The following SLC24A2 variants were observed in gnomAD, a reference collection of about 807,000 sequenced individuals.
SLC24A2 encodes sodium/potassium/calcium exchanger 2.
SLC24A2 carries 36 observed loss-of-function variants against 62.0 expected under a neutral mutation model. That is an observed-to-expected ratio of 0.58 (90% confidence interval 0.44 to 0.77). SLC24A2 has a LOEUF of 0.77. Ranked by LOEUF, SLC24A2 falls within the 30% of genes least tolerant of loss-of-function variation. SLC24A2 has a pLI of 0.00. For synonymous variants in SLC24A2, 358 were observed against 294.0 expected (o/e 1.22, Z -2.23); for missense variants, 846 against 817.9 (o/e 1.03, Z -0.42).
intron 5 of SLC24A2, among the ~76,000 whole-genome samples, chr9:19,592,343 CT>C (rs1440686474): frequency 1.3e-5 from 2 of 152,126 alleles, no homozygotes; most frequent in Non-Finnish European, 2.9e-5. Context: ...CAAGGATTGA[CT>C]TTTTAAATAG....
chr9:19,998,565 G>T, the SLC24A2 span, among the ~76,000 whole-genome samples: 2 of 152,202 alleles, frequency 1.3e-5, no homozygotes, highest in Non-Finnish European at 2.9e-5. Flanking sequence ...TTCCTCAGAA[G>T]CTTATGAGGA....
At chr9:20,202,219 T>A in the SLC24A2 span, among the ~76,000 whole-genome samples, 1 of 152,160 alleles carries the variant, frequency 6.6e-6, no homozygotes, top group South Asian at 2.1e-4. Flanking sequence ...CCTCCTCTCC[T>A]GATCAGGTTT....
the SLC24A2 span, among the ~76,000 whole-genome samples, chr9:20,277,760 C>A: frequency 6.6e-6 from 1 of 152,206 alleles, no homozygotes. Context: ...GATTATAAAA[C>A]ATGCTGCTAT....
the SLC24A2 span, among the ~76,000 whole-genome samples, chr9:20,035,839 C>T: frequency 2.0e-5 from 3 of 152,204 alleles, no homozygotes; most frequent in Non-Finnish European, 2.9e-5. Flanking sequence ...GTTTTCTTCT[C>T]ATCCAATTTC....
At chr9:19,733,355 T>C (rs931342969) in intron 2 of SLC24A2, among the ~76,000 whole-genome samples, 17 of 152,224 alleles carry the variant, frequency 1.1e-4, no homozygotes, top group African/African-American at 4.1e-4. Flanking sequence ...CAGCCCAGAA[T>C]GCCTCACCAG....
intron 2 of SLC24A2, among the ~76,000 whole-genome samples, chr9:19,762,614 G>C (rs1472870142): frequency 6.6e-6 from 1 of 152,116 alleles, no homozygotes; most frequent in Non-Finnish European, 1.5e-5. Flanking sequence ...AGATCAGATG[G>C]TTGTAGATGT....
the SLC24A2 span, among the ~76,000 whole-genome samples, chr9:20,175,663 G>C: frequency 6.6e-6 from 1 of 151,894 alleles, no homozygotes; most frequent in Non-Finnish European, 1.5e-5. Flanking sequence ...TTTCTTTAAA[G>C]CAAACAAACA....
At chr9:19,748,554 G>C (rs1037716018) in intron 2 of SLC24A2, among the ~76,000 whole-genome samples, 73 of 152,244 alleles carry the variant, frequency 4.8e-4, no homozygotes, top group African/African-American at 1.7e-3. Context: ...ACAATCTTAG[G>C]TGGGTTAATG....
chr9:20,012,604 T>C, the SLC24A2 span, among the ~76,000 whole-genome samples: 7 of 152,162 alleles, frequency 4.6e-5, no homozygotes, highest in Admixed American at 6.5e-5. Context: ...ATTGTCTCTA[T>C]TGGATGATGA....
chr9:19,640,228 A>C (rs1242347691), intron 2 of SLC24A2, among the ~76,000 whole-genome samples: 1 of 152,246 alleles, frequency 6.6e-6, no homozygotes, highest in Non-Finnish European at 1.5e-5. Context: ...GTTTTATCTA[A>C]AAATGGCTCT....
chr9:19,696,731 C>T (rs1166816952), intron 2 of SLC24A2, among the ~76,000 whole-genome samples: 2 of 152,056 alleles, frequency 1.3e-5, no homozygotes, highest in African/African-American at 4.8e-5. Flanking sequence ...AATTTAACTC[C>T]ACAAACATAG....
At chr9:19,643,707 C>T (rs1174009029) in intron 2 of SLC24A2, among the ~76,000 whole-genome samples, 1 of 152,200 alleles carries the variant, frequency 6.6e-6, no homozygotes, top group Non-Finnish European at 1.5e-5. Context: ...TCTGTGTATG[C>T]CTCTCCAGTC....
chr9:20,293,021 C>T, the SLC24A2 span, among the ~76,000 whole-genome samples: 4 of 152,180 alleles, frequency 2.6e-5, no homozygotes, highest in Non-Finnish European at 4.4e-5. Flanking sequence ...CAATCTTTGG[C>T]GTTCCTTGGC....
intron 2 of SLC24A2, among the ~76,000 whole-genome samples, chr9:19,711,397 TAA>T (rs1365793740): frequency 6.6e-6 from 1 of 152,130 alleles, no homozygotes; most frequent in Non-Finnish European, 1.5e-5. Context: ...CAATAATGCT[TAA>T]GAGTGTAAAA....
At chr9:19,542,139 G>C (rs981682069) in intron 8 of SLC24A2, among the ~76,000 whole-genome samples, 1 of 152,298 alleles carries the variant, frequency 6.6e-6, no homozygotes, top group African/African-American at 2.4e-5. Flanking sequence ...CGGTACCTCA[G>C]ATGGAAATGC....
intron 2 of SLC24A2, among the ~76,000 whole-genome samples, chr9:19,768,135 G>T (rs1406034131): frequency 6.6e-6 from 1 of 152,036 alleles, no homozygotes; most frequent in Non-Finnish European, 1.5e-5. Flanking sequence ...CCTCTTAAAG[G>T]CCCCACCTCT....
chr9:19,751,067 G>A (rs866564001), intron 2 of SLC24A2, among the ~76,000 whole-genome samples: 13 of 152,080 alleles, frequency 8.5e-5, no homozygotes, highest in Middle Eastern at 3.2e-3. Flanking sequence ...GACTGTGTTC[G>A]GTAACATGTT....
At chr9:19,774,373 T>C (rs1411703936) in intron 2 of SLC24A2, among the ~76,000 whole-genome samples, 1 of 152,192 alleles carries the variant, frequency 6.6e-6, no homozygotes, top group Non-Finnish European at 1.5e-5. Flanking sequence ...GGAAGGTCTA[T>C]CCAAAATAAT....
chr9:19,715,679 A>ACATGCTCCT (rs1442499043), intron 2 of SLC24A2, among the ~76,000 whole-genome samples: 11 of 152,340 alleles, frequency 7.2e-5, no homozygotes, highest in African/African-American at 1.7e-4. Context: ...GCACACCATT[A>ACATGCTCCT]CATGCTCCTC....
Sources: allele counts gnomAD v4.1 joint callset (sites outside exome capture counted in the v4.1 genomes callset), GRCh38; gene constraint gnomAD v4.1.1; transcripts MANE v1.5; gene names NCBI Gene and HGNC (gene_info 2026-07-23, HGNC 2026-07-21).